FGF12: variants seen among roughly 807,000 people sequenced by gnomAD.
FGF12 encodes fibroblast growth factor 12, also known as fibroblast growth factor 12B.
FGF12 carries 14 observed loss-of-function variants against 23.6 expected under a neutral mutation model. The observed-to-expected ratio is 0.59, with a 90% CI of 0.39 to 0.93. The LOEUF is 0.93. Among genes scored for constraint, FGF12 ranks in the 40% least tolerant of loss-of-function variants. The probability of loss-of-function intolerance (pLI) is 0.00; values close to 1 mark genes in which losing one functional copy is unlikely to be tolerated. For missense variants in FGF12, 175 were observed against 217.8 expected, an observed-to-expected ratio of 0.80 and a Z score of 1.24; for synonymous variants, 62 against 77.3, an observed-to-expected ratio of 0.80 and a Z score of 1.04.
At chr3:192,296,233 T>A (rs567695361) in intron 4 of FGF12, among the ~76,000 whole-genome samples, 225 of 150,916 alleles carry the variant, frequency 1.5e-3, no homozygotes, top group Middle Eastern at 3.4e-3. Context: ...ATTTTATTTT[T>A]TTTTTTTTGA....
chr3:192,184,260 A>C (rs1716335016), intron 4 of FGF12, among the ~76,000 whole-genome samples: 1 of 152,194 alleles, frequency 6.6e-6, no homozygotes, highest in African/African-American at 2.4e-5. Context: ...TTAATTCAGC[A>C]TATTTTCCAT....
intron 2 of FGF12, among the ~76,000 whole-genome samples, chr3:192,717,297 A>C (rs1032816057): frequency 6.6e-6 from 1 of 152,140 alleles, no homozygotes; most frequent in African/African-American, 2.4e-5. Flanking sequence ...AAATTACTTA[A>C]CATCTCTATG....
At chr3:192,243,672 T>C (rs1373462584) in intron 4 of FGF12, among the ~76,000 whole-genome samples, 1 of 151,826 alleles carries the variant, frequency 6.6e-6, no homozygotes, top group Non-Finnish European at 1.5e-5. Context: ...CAGTAGGAGA[T>C]TTTAAAATCT....
chr3:192,446,453 G>A (rs1282332941), intron 2 of FGF12, among the ~76,000 whole-genome samples: 4 of 152,156 alleles, frequency 2.6e-5, no homozygotes, highest in Admixed American at 2.6e-4. Flanking sequence ...GCAAATGCTC[G>A]TTGAGCACCA....
chr3:192,527,857 C>G (rs907577942), intron 2 of FGF12, among the ~76,000 whole-genome samples: 3 of 152,134 alleles, frequency 2.0e-5, no homozygotes, highest in Non-Finnish European at 4.4e-5. Flanking sequence ...CAAGAGAAGA[C>G]AGCTTATGCA....
intron 2 of FGF12, among the ~76,000 whole-genome samples, chr3:192,631,592 G>C (rs1316698182): frequency 7.9e-5 from 12 of 152,114 alleles, no homozygotes; most frequent in Admixed American, 7.2e-4. Context: ...AAGTGGCCTT[G>C]TCTATTTAAA....
At chr3:192,155,035 G>A (rs1195871922) in intron 5 of FGF12, among the ~76,000 whole-genome samples, 4 of 146,736 alleles carry the variant, frequency 2.7e-5, no homozygotes, top group Non-Finnish European at 4.5e-5. Flanking sequence ...TTTTTAAGCC[G>A]GTCTGAAAAG....
intron 4 of FGF12, among the ~76,000 whole-genome samples, chr3:192,300,097 G>A (rs1000124021): frequency 1.8e-4 from 28 of 152,154 alleles, no homozygotes; most frequent in Non-Finnish European, 2.9e-5. Flanking sequence ...ACATAGGGGA[G>A]CACAGGCAAT....
intron 4 of FGF12, among the ~76,000 whole-genome samples, chr3:192,237,554 T>C (rs549232161): frequency 1.3e-5 from 2 of 152,340 alleles, no homozygotes; most frequent in East Asian, 3.9e-4. Context: ...TTTATTTTTG[T>C]CTGCCTGCAT....
At chr3:192,694,434 C>A (rs1605084) in intron 2 of FGF12, among the ~76,000 whole-genome samples, 79,310 of 151,794 alleles carry the variant, frequency 0.52, 21,145 homozygotes, top group East Asian at 0.82. Context: ...TATCAAGATA[C>A]CTGCATTCCC....
Position 192,502,662 on chromosome 3 carries a change from G to A in FGF12, c.14-142124C>T, listed in dbSNP as rs565452540. Among the ~76,000 whole-genome samples, 46 of 152,260 alleles carry A rather than the reference G, an allele frequency of 3.0e-4. 1 individual carries two copies. The highest frequency in any genetic ancestry group is 1.1e-3 in the African/African-American group (45 of 41,526). ...CAGGAGTGGCCAGACCATGCCCTGT[G>A]GTACAAGCGTTTCTCCTAAAAGACA... is the stretch of plus-strand genomic sequence containing the variant. On this transcript the variant is annotated intron_variant, in intron 2 of 5. Coordinates refer to ENST00000445105, the MANE Select transcript of FGF12 (RefSeq NM_004113.6).
At chr3:192,213,428 A>G (rs1718035818) in intron 4 of FGF12, among the ~76,000 whole-genome samples, 1 of 152,206 alleles carries the variant, frequency 6.6e-6, no homozygotes, top group Non-Finnish European at 1.5e-5. Flanking sequence ...AGCTCTTTAA[A>G]TTGATAAATG....
intron 2 of FGF12, among the ~76,000 whole-genome samples, chr3:192,387,097 C>G (rs1003111602): frequency 6.6e-6 from 1 of 152,126 alleles, no homozygotes; most frequent in Non-Finnish European, 1.5e-5. Flanking sequence ...AGAGAAATAA[C>G]CATGGTATTC....
chr3:192,446,525 G>C (rs186901113), intron 2 of FGF12, among the ~76,000 whole-genome samples: 1 of 152,224 alleles, frequency 6.6e-6, no homozygotes, highest in East Asian at 1.9e-4. Context: ...TATCAAATTG[G>C]GCAATTCACA....
intron 4 of FGF12, among the ~76,000 whole-genome samples, chr3:192,304,210 G>A (rs116297958): frequency 0.028 from 4,271 of 152,194 alleles, 157 homozygotes; most frequent in South Asian, 0.17. Flanking sequence ...TGTATCCAAG[G>A]GATCTTGCAC....
At chr3:192,578,456 A>G (rs1318595725) in intron 2 of FGF12, among the ~76,000 whole-genome samples, 1 of 152,212 alleles carries the variant, frequency 6.6e-6, no homozygotes, top group Non-Finnish European at 1.5e-5. Context: ...CTTTTAAGAT[A>G]AAACAACAAC....
intron 2 of FGF12, among the ~76,000 whole-genome samples, chr3:192,468,118 C>T (rs1228271531): frequency 1.3e-5 from 2 of 152,160 alleles, no homozygotes; most frequent in African/African-American, 4.8e-5. Flanking sequence ...ACATGGAGTT[C>T]TATGACTAAA....
intron 2 of FGF12, among the ~76,000 whole-genome samples, chr3:192,616,834 C>T (rs62293016): frequency 0.028 from 4,175 of 151,722 alleles, 74 homozygotes; most frequent in Middle Eastern, 0.051. Context: ...CAACTTGTAT[C>T]ATCCACTCTT....
chr3:192,156,422 ATAGTACT>A (rs1214207254), intron 5 of FGF12, among the ~76,000 whole-genome samples: 7 of 152,322 alleles, frequency 4.6e-5, no homozygotes, highest in East Asian at 3.9e-4. Flanking sequence ...GATGTTATAG[ATAGTACT>A]TAGTATAAAA....
Sources: gnomAD v4.1 joint callset for allele counts (sites outside exome capture counted in the v4.1 genomes callset) on GRCh38, gnomAD v4.1.1 for gene constraint, MANE v1.5 for transcripts, NCBI Gene and HGNC (gene_info 2026-07-23, HGNC 2026-07-21) for gene names.